Variants in GPC5 observed in about 807,000 individuals in gnomAD.
GPC5 encodes the protein glypican 5.
GPC5 carries 47 observed loss-of-function variants against 53.9 expected under a neutral mutation model. The ratio of observed to expected loss-of-function variants is 0.87; its 90% CI spans 0.69 to 1.11. The LOEUF is 1.11. Among genes scored for constraint, GPC5 ranks in the 50% most tolerant of loss-of-function variants. The pLI is 0.00. For missense variants in GPC5, 748 were observed against 713.1 expected (o/e 1.05, Z -0.56); for synonymous variants, 286 against 263.3 (o/e 1.09, Z -0.84).
chr13:91,713,390 G>C (rs2036270371), intron 3 of GPC5, among the ~76,000 whole-genome samples: 1 of 151,560 alleles, frequency 6.6e-6, no homozygotes, highest in Non-Finnish European at 1.5e-5. Context: ...GATAGTAACT[G>C]TATCTTCTCT....
At chr13:91,684,117 G>A (rs951335690) in intron 2 of GPC5, among the ~76,000 whole-genome samples, 9 of 152,150 alleles carry the variant, frequency 5.9e-5, no homozygotes, top group South Asian at 4.1e-4. Flanking sequence ...GGGACACTCC[G>A]TTTTCCTGAT....
At chr13:92,638,087 G>A (rs1442010988) in intron 7 of GPC5, among the ~76,000 whole-genome samples, 1 of 152,094 alleles carries the variant, frequency 6.6e-6, no homozygotes, top group Non-Finnish European at 1.5e-5. Context: ...GAACATCAGT[G>A]GGATAACTTC....
intron 7 of GPC5, among the ~76,000 whole-genome samples, chr13:92,253,836 C>G (rs916043401): frequency 6.6e-5 from 10 of 151,478 alleles, no homozygotes; most frequent in African/African-American, 2.4e-4. Flanking sequence ...TAAGAGAGAC[C>G]AAGATTAAAA....
At chr13:92,632,276 T>G (rs918232234) in intron 7 of GPC5, among the ~76,000 whole-genome samples, 1 of 152,088 alleles carries the variant, frequency 6.6e-6, no homozygotes, top group African/African-American at 2.4e-5. Context: ...TCAGATAGAC[T>G]TGAAGACAGA....
At chr13:92,474,368 C>T (rs1406534270) in intron 7 of GPC5, among the ~76,000 whole-genome samples, 1 of 151,940 alleles carries the variant, frequency 6.6e-6, no homozygotes, top group Admixed American at 6.6e-5. Context: ...ACTGGGAAGA[C>T]TTTAAAATGA....
intron 2 of GPC5, among the ~76,000 whole-genome samples, chr13:91,586,496 C>T (rs1180496601): frequency 1.5e-5 from 1 of 66,736 alleles, no homozygotes; most frequent in Non-Finnish European, 2.8e-5. Context: ...TGCAAGGCAG[C>T]AGGATATATA....
intron 7 of GPC5, among the ~76,000 whole-genome samples, chr13:92,266,419 A>T (rs186166818): frequency 6.6e-6 from 1 of 152,244 alleles, no homozygotes; most frequent in Non-Finnish European, 1.5e-5. Flanking sequence ...TTTTCTAACT[A>T]CATCCATTCA....
rs528132306 is a variant in GPC5, at chr13:91,552,889, A to G, written c.325+103967A>G. ...GCTCCCAACAGGAATGTTGTATTTT[A>G]TGGATTCTAATACACACATTTTCTG... On this transcript the variant is annotated intron_variant, in intron 2 of 7. Coordinates refer to ENST00000377067, the MANE Select transcript of GPC5 (RefSeq NM_004466.6). Among the ~76,000 whole-genome samples the G allele has an allele frequency of 2.6e-5, 4 of 152,226 alleles. No homozygotes were observed. The East Asian group carries it at 7.7e-4, about 29-fold the overall frequency.
At chr13:92,336,568 G>A (rs2043324809) in intron 7 of GPC5, among the ~76,000 whole-genome samples, 1 of 151,970 alleles carries the variant, frequency 6.6e-6, no homozygotes, top group South Asian at 2.1e-4. Flanking sequence ...AGTAGAGATG[G>A]AATTTTTGTT....
chr13:92,085,481 A>G (rs752354553), intron 6 of GPC5, among the ~76,000 whole-genome samples: 47 of 152,188 alleles, frequency 3.1e-4, no homozygotes, highest in Non-Finnish European at 5.6e-4. Flanking sequence ...AGGGAAATAG[A>G]GCAACATTTT....
intron 2 of GPC5, among the ~76,000 whole-genome samples, chr13:91,598,902 AT>A (rs149761426): frequency 0.015 from 2,268 of 152,210 alleles, 54 homozygotes; most frequent in African/African-American, 0.051. Flanking sequence ...TCAAAACAAG[AT>A]TTGCAATACT....
At chr13:92,294,826 CTTTTT>C (rs147963724) in intron 7 of GPC5, among the ~76,000 whole-genome samples, 2 of 99,002 alleles carry the variant, frequency 2.0e-5, no homozygotes, top group Non-Finnish European at 3.8e-5. Context: ...TTTTTTTTTT[CTTTTT>C]TTTTTTTTTT....
intron 3 of GPC5, among the ~76,000 whole-genome samples, chr13:91,702,526 C>G (rs1413241584): frequency 6.6e-6 from 1 of 152,010 alleles, no homozygotes; most frequent in Admixed American, 6.6e-5. Flanking sequence ...TATACTTGTA[C>G]CATGATATTT....
At chr13:91,485,929 A>T (rs1883582722) in intron 2 of GPC5, 1 of 152,210 alleles carries the variant, frequency 6.6e-6, no homozygotes, top group Non-Finnish European at 1.5e-5. Flanking sequence ...TTATTACTCC[A>T]TGAGGATGGG....
chr13:91,465,633 C>T (rs1882189334), intron 2 of GPC5, among the ~76,000 whole-genome samples: 1 of 152,090 alleles, frequency 6.6e-6, no homozygotes, highest in Non-Finnish European at 1.5e-5. Flanking sequence ...TGGGCTAATT[C>T]CATTTAATTG....
At chr13:92,512,271 G>A (rs531248141) in intron 7 of GPC5, among the ~76,000 whole-genome samples, 53 of 152,000 alleles carry the variant, frequency 3.5e-4, no homozygotes, top group African/African-American at 4.3e-4. Flanking sequence ...CGCGTACGCT[G>A]TGTGCATGCA....
intron 7 of GPC5, among the ~76,000 whole-genome samples, chr13:92,318,600 C>A (rs1191328877): frequency 6.6e-6 from 1 of 152,012 alleles, no homozygotes; most frequent in Admixed American, 6.6e-5. Context: ...TTGACAAGTG[C>A]CAGCACACCA....
chr13:92,602,112 A>G (rs1336555314), intron 7 of GPC5, among the ~76,000 whole-genome samples: 4 of 147,626 alleles, frequency 2.7e-5, no homozygotes, highest in Non-Finnish European at 5.9e-5. Flanking sequence ...TTAATTAATG[A>G]AAGTATTATA....
At chr13:92,320,072 G>T (rs970856502) in intron 7 of GPC5, among the ~76,000 whole-genome samples, 2 of 151,766 alleles carry the variant, frequency 1.3e-5, no homozygotes, top group African/African-American at 4.8e-5. Flanking sequence ...ACCTATTTTT[G>T]AACAACAAAT....
Sources: gnomAD v4.1 joint callset for allele counts (sites outside exome capture counted in the v4.1 genomes callset) on GRCh38, gnomAD v4.1.1 for gene constraint, MANE v1.5 for transcripts, NCBI Gene and HGNC (gene_info 2026-07-23, HGNC 2026-07-21) for gene names.